MYOCD: variants seen among roughly 807,000 people sequenced by gnomAD.
MYOCD encodes the protein myocardin.
Under a neutral mutation model 96.1 loss-of-function variants are expected in MYOCD, and 32 were observed. The observed-to-expected ratio is 0.33, with a 90% CI of 0.25 to 0.45. The LOEUF (loss-of-function observed/expected upper bound fraction) is 0.45. Among genes scored for constraint, MYOCD ranks in the 20% least tolerant of loss-of-function variants. The pLI, the probability that MYOCD is intolerant of heterozygous loss-of-function variation, is 1.00. For synonymous variants in MYOCD, 469 were observed against 469.0 expected, an observed-to-expected ratio of 1.00 and a Z score of 0.00; for missense variants, 1,133 against 1,200.6, an observed-to-expected ratio of 0.94 and a Z score of 0.83.
At chr17:12,687,547 A>G (rs1403016833) in intron 1 of MYOCD, among the ~76,000 whole-genome samples, 1 of 152,230 alleles carries the variant, frequency 6.6e-6, no homozygotes, top group African/African-American at 2.4e-5. Context: ...TTTGAAATAA[A>G]TGTATATTTT....
chr17:12,698,975 C>T (rs2030923418), intron 1 of MYOCD, among the ~76,000 whole-genome samples: 3 of 151,830 alleles, frequency 2.0e-5, no homozygotes, highest in African/African-American at 7.3e-5. Flanking sequence ...ATCTCCTGAC[C>T]TCATGATCTG....
intron 5 of MYOCD, among the ~76,000 whole-genome samples, chr17:12,728,223 C>G (rs1430254136): frequency 6.6e-6 from 1 of 152,168 alleles, no homozygotes; most frequent in Non-Finnish European, 1.5e-5. Context: ...AGGCTTACTT[C>G]TAGCTTGTTA....
At chr17:12,695,266 C>A (rs866485238) in intron 1 of MYOCD, among the ~76,000 whole-genome samples, 1 of 152,100 alleles carries the variant, frequency 6.6e-6, no homozygotes, top group African/African-American at 2.4e-5. Flanking sequence ...CATAGAAGTC[C>A]GCCTCTCACT....
intron 2 of MYOCD, among the ~76,000 whole-genome samples, chr17:12,710,695 C>G (rs2031453204): frequency 1.3e-5 from 2 of 152,142 alleles, no homozygotes. Flanking sequence ...CTTGGCTTTT[C>G]CCCCACAGCA....
At position 12,766,914 on chromosome 17, in the gene MYOCD, G is replaced by A. The variant is rs534887577; in HGVS notation, c.*3270G>A. 22 of 151,314 alleles carry A rather than the reference G, an allele frequency of 1.5e-4. No homozygotes were observed. The highest frequency in any genetic ancestry group is 1.1e-3 in the Admixed American group (16 of 15,188). 9.4% of individuals were successfully genotyped at this position (151,314 alleles called of 1,614,324 possible). A position where few individuals can be genotyped will look rare whatever the true frequency, so the allele number is the denominator to read the frequency against. ...TAGTAGTGACCCTGCTTCTATCAACGTTATTGAGACAACACATATTCTATT... is the reference window on the plus strand; with the variant it reads ...TAGTAGTGACCCTGCTTCTATCAACATTATTGAGACAACACATATTCTATT... On this transcript the variant is annotated 3_prime_UTR_variant, in exon 14 of 14. Transcript: ENST00000425538.
At chr17:12,685,982 T>A (rs2030098275) in intron 1 of MYOCD, among the ~76,000 whole-genome samples, 1 of 152,236 alleles carries the variant, frequency 6.6e-6, no homozygotes, top group Non-Finnish European at 1.5e-5. Context: ...GCTGTTCTAG[T>A]TGACATTTCC....
intron 5 of MYOCD, among the ~76,000 whole-genome samples, chr17:12,734,634 C>T (rs903447541): frequency 5.3e-5 from 8 of 151,380 alleles, no homozygotes; most frequent in East Asian, 2.0e-4. Context: ...CCTCAGCCTC[C>T]GGAGTAGCTG....
intron 1 of MYOCD, among the ~76,000 whole-genome samples, chr17:12,668,597 C>T (rs1007233521): frequency 6.6e-6 from 1 of 151,790 alleles, no homozygotes; most frequent in African/African-American, 2.4e-5. Context: ...CATGTATGAA[C>T]ATGTTTAGTG....
rs1325168653 is a variant in MYOCD at position 12,714,359 on chromosome 17, A to ACACACACACACACACACC, written c.122-1157_122-1156insACACACACACACACCCAC. On this transcript the variant is annotated intron_variant, in intron 2 of 13. Transcript: ENST00000425538. ...CACACACACACACACACACACACAC[A>ACACACACACACACACACC]CACCCCGATCTGGTCAGAAACCTAA... is the stretch of plus-strand genomic sequence containing the variant. Among the ~76,000 whole-genome samples, 6 of 149,928 alleles carry ACACACACACACACACACC rather than the reference A, an allele frequency of 4.0e-5. No homozygotes were observed. The East Asian group carries it at 9.7e-4, about 24-fold the overall frequency.
intron 5 of MYOCD, among the ~76,000 whole-genome samples, chr17:12,727,403 G>C: frequency 6.6e-6 from 1 of 152,180 alleles, no homozygotes; most frequent in East Asian, 1.9e-4. Flanking sequence ...AGCGCATTTA[G>C]AGACAGCTAT....
At chr17:12,676,122 GC>G (rs1252559181) in intron 1 of MYOCD, among the ~76,000 whole-genome samples, 1 of 151,984 alleles carries the variant, frequency 6.6e-6, no homozygotes, top group Non-Finnish European at 1.5e-5. Context: ...AATAAAGTAG[GC>G]AAAGATTTAA....
intron 10 of MYOCD, among the ~76,000 whole-genome samples, chr17:12,755,601 G>A (rs2032989203): frequency 6.6e-6 from 1 of 152,040 alleles, no homozygotes; most frequent in Non-Finnish European, 1.5e-5. Context: ...ATTAGGCCAG[G>A]CGCGATGGTT....
In MYOCD at chr17:12,767,162, T is replaced by C. The variant is rs1012017599; in HGVS notation, c.*3518T>C. On this transcript the variant is annotated 3_prime_UTR_variant, in exon 14 of 14. Transcript: ENST00000425538. ...ACATTATGAGAAGTAAATCAGAATT[T>C]TTTTAAGGAGAAGTCATTCTTAGCA... 2 of 152,182 alleles carry C rather than the reference T, an allele frequency of 1.3e-5. No homozygotes were observed. 9.4% of individuals were successfully genotyped at this position (152,182 alleles called of 1,614,324 possible).
At chr17:12,678,458 A>T (rs1239802733) in intron 1 of MYOCD, among the ~76,000 whole-genome samples, 1 of 152,078 alleles carries the variant, frequency 6.6e-6, no homozygotes, top group East Asian at 1.9e-4. Context: ...TGCTATGAGG[A>T]CCAGCAAAGG....
intron 12 of MYOCD, among the ~76,000 whole-genome samples, chr17:12,758,598 C>T (rs553700245): frequency 2.0e-5 from 3 of 152,320 alleles, no homozygotes; most frequent in Admixed American, 6.5e-5. Context: ...GAGTGACTGT[C>T]AGGGTAATAC....
intron 5 of MYOCD, among the ~76,000 whole-genome samples, chr17:12,733,171 G>A (rs945884778): frequency 1.8e-4 from 27 of 152,182 alleles, no homozygotes; most frequent in African/African-American, 6.0e-4. Context: ...TTAGCCAGAT[G>A]TGGTGGCAGG....
intron 1 of MYOCD, among the ~76,000 whole-genome samples, chr17:12,692,386 G>T (rs959083794): frequency 6.6e-6 from 1 of 152,200 alleles, no homozygotes; most frequent in African/African-American, 2.4e-5. Context: ...GTAGAGTTTA[G>T]AAAGTGGTAA....
intron 6 of MYOCD, 22 bp from the exon 7 acceptor site, chr17:12,739,181 A>G (rs1261351972): frequency 5.6e-6 from 9 of 1,596,328 alleles, no homozygotes; most frequent in Non-Finnish European, 6.8e-6. Context: ...TCTTCCTAAT[A>G]TCGGTAACAT....
intron 2 of MYOCD, among the ~76,000 whole-genome samples, chr17:12,708,493 A>G (rs1022079014): frequency 6.6e-6 from 1 of 151,722 alleles, no homozygotes; most frequent in African/African-American, 2.4e-5. Flanking sequence ...TCCCAGGTTC[A>G]CGCCATTCTC....
Sources: allele counts gnomAD v4.1 joint callset (sites outside exome capture counted in the v4.1 genomes callset), GRCh38; gene constraint gnomAD v4.1.1; transcripts MANE v1.5; gene names NCBI Gene and HGNC (gene_info 2026-07-23, HGNC 2026-07-21).